CBL: variants seen among roughly 807,000 people sequenced by gnomAD.
CBL encodes Cbl proto-oncogene.
CBL carries 45 observed loss-of-function variants against 96.9 expected under a neutral mutation model. That is an observed-to-expected ratio of 0.46 (90% CI 0.37 to 0.60). The LOEUF (loss-of-function observed/expected upper bound fraction) is 0.60. Ranked by LOEUF, CBL falls within the 20% of genes least tolerant of loss-of-function variation. The probability of loss-of-function intolerance (pLI) is 0.00; values close to 1 mark genes in which losing one functional copy is unlikely to be tolerated. For synonymous variants in CBL, 420 were observed against 426.8 expected, an observed-to-expected ratio of 0.98 and a Z score of 0.20; for missense variants, 1,024 against 1,143.5, an observed-to-expected ratio of 0.90 and a Z score of 1.51.
chr11:119,223,416 T>C (rs1949427281), intron 1 of CBL, among the ~76,000 whole-genome samples: 1 of 150,610 alleles, frequency 6.6e-6, no homozygotes, highest in South Asian at 2.1e-4. Flanking sequence ...TGTTATGTTA[T>C]GTTATGTTAT....
At chr11:119,299,099 G>T (rs1950082435) in intron 15 of CBL, among the ~76,000 whole-genome samples, 1 of 152,202 alleles carries the variant, frequency 6.6e-6, no homozygotes, top group Non-Finnish European at 1.5e-5. Context: ...CCCCCACTCA[G>T]CCTTGGCTAA....
At chr11:119,247,766 C>T (rs1034734826) in intron 2 of CBL, among the ~76,000 whole-genome samples, 1 of 152,152 alleles carries the variant, frequency 6.6e-6, no homozygotes, top group Admixed American at 6.5e-5. Context: ...GAGTCGAGAT[C>T]ATGCCACTGC....
intron 1 of CBL, among the ~76,000 whole-genome samples, chr11:119,218,571 C>A (rs1419544672): frequency 6.6e-6 from 1 of 152,186 alleles, no homozygotes; most frequent in Non-Finnish European, 1.5e-5. Flanking sequence ...ATCTTGCAAT[C>A]TTACGCTGCT....
At chr11:119,248,320 A>G (rs1258789702) in intron 2 of CBL, among the ~76,000 whole-genome samples, 1 of 152,230 alleles carries the variant, frequency 6.6e-6, no homozygotes, top group African/African-American at 2.4e-5. Context: ...ATAAACCCTC[A>G]TACATATGGT....
At chr11:119,220,060 G>A (rs1949396126) in intron 1 of CBL, among the ~76,000 whole-genome samples, 1 of 152,126 alleles carries the variant, frequency 6.6e-6, no homozygotes, top group South Asian at 2.1e-4. Context: ...ATGTTGGCCA[G>A]GCTGGTCTCG....
intron 12 of CBL, among the ~76,000 whole-genome samples, chr11:119,292,721 A>G (rs1438499553): frequency 2.0e-5 from 3 of 151,792 alleles, no homozygotes; most frequent in Admixed American, 6.6e-5. Flanking sequence ...CGCCCGGCCT[A>G]TTTTCTTTGA....
chr11:119,281,828 C>T (rs1949936884), intron 9 of CBL, among the ~76,000 whole-genome samples: 1 of 152,062 alleles, frequency 6.6e-6, no homozygotes, highest in South Asian at 2.1e-4. Context: ...TTTCCTCATC[C>T]TTGATTTGAT....
rs749579743 is a variant in CBL, at chr11:119,278,314, C to T, written c.1227+17C>T. The T allele has an allele frequency of 1.5e-5, 24 of 1,613,496 alleles. No homozygotes were observed. Among genetic ancestry groups the T allele is most frequent in the Admixed American group, 3.3e-5 (2 of 59,974 alleles). On this transcript the variant is annotated intron_variant, in intron 8 of 15. Coordinates refer to ENST00000264033, the MANE Select transcript of CBL (RefSeq NM_005188.4). Reference sequence around the variant, plus strand: ...TCCTGGCAGGTACGGATCTAAACAGCGACTTTTTTCAGCTATGTAATAACC... The same window carrying T: ...TCCTGGCAGGTACGGATCTAAACAGTGACTTTTTTCAGCTATGTAATAACC...
chr11:119,237,699 T>G (rs1013969771), intron 2 of CBL, among the ~76,000 whole-genome samples: 1 of 152,188 alleles, frequency 6.6e-6, no homozygotes, highest in African/African-American at 2.4e-5. Context: ...ACCATAAGTG[T>G]AAGGGTTTAT....
At chr11:119,269,375 C>A (rs1322557264) in intron 2 of CBL, among the ~76,000 whole-genome samples, 2 of 151,784 alleles carry the variant, frequency 1.3e-5, no homozygotes, top group Non-Finnish European at 2.9e-5. Context: ...CATGTACCAC[C>A]ATGCCCGCCT....
Position 119,278,732 on chromosome 11 carries a change from A to T in CBL, c.1431+19A>T. On this transcript the variant is annotated intron_variant, in intron 9 of 15. Coordinates refer to ENST00000264033, the MANE Select transcript of CBL (RefSeq NM_005188.4). ...TGCCAAGGTAAGATGGCAGTTTAGG[A>T]GACTGGCAAAATCCATTGTGAGTTG... 1 of 1,600,684 alleles carries T rather than the reference A, an allele frequency of 6.2e-7. No homozygotes were observed. The highest frequency in any genetic ancestry group is 8.6e-7 in the Non-Finnish European group (1 of 1,168,136).
At chr11:119,238,500 G>A (rs993257590) in intron 2 of CBL, among the ~76,000 whole-genome samples, 2 of 152,020 alleles carry the variant, frequency 1.3e-5, no homozygotes, top group Non-Finnish European at 2.9e-5. Context: ...GTGAGCCACT[G>A]TGCCCGACCC....
At chr11:119,255,326 A>T (rs1031163655) in intron 2 of CBL, among the ~76,000 whole-genome samples, 6 of 152,124 alleles carry the variant, frequency 3.9e-5, no homozygotes, top group African/African-American at 1.4e-4. Context: ...AAGAACAAAA[A>T]GATCAGTTGG....
chr11:119,291,989 A>T (rs1282565750), intron 12 of CBL, among the ~76,000 whole-genome samples: 1 of 151,940 alleles, frequency 6.6e-6, no homozygotes, highest in Non-Finnish European at 1.5e-5. Context: ...AGTAGCTGGG[A>T]TTTTAGGCAT....
chr11:119,263,674 T>C (rs922369424), intron 2 of CBL, among the ~76,000 whole-genome samples: 2 of 152,326 alleles, frequency 1.3e-5, no homozygotes, highest in South Asian at 2.1e-4. Context: ...TTTGTTTTGT[T>C]TTTTAACAGC....
At chr11:119,292,766 A>T (rs904888210) in intron 12 of CBL, among the ~76,000 whole-genome samples, 10 of 152,114 alleles carry the variant, frequency 6.6e-5, no homozygotes, top group African/African-American at 2.4e-4. Flanking sequence ...AGTAACTGAG[A>T]CTATAGATGT....
chr11:119,285,053 C>G lies in CBL; in HGVS notation c.1516C>G (p.Arg506Gly), dbSNP rs886041500. ...VPPRLDLLPQRVCVPSSASAL... is the reference protein window; with the variant it reads ...VPPRLDLLPQGVCVPSSASAL... ...ACCACGACTTGACCTTCTGCCGCAGCGAGTATGTGTTCCCTCAAGTGCTTC... is the reference window on the plus strand; with the variant it reads ...ACCACGACTTGACCTTCTGCCGCAGGGAGTATGTGTTCCCTCAAGTGCTTC... Residue 506 changes from arginine to glycine, a missense_variant, in exon 10 of 16, where the codon CGA becomes GGA. Physicochemically the swap from Arg to Gly is moderately radical, Grantham distance 125 (BLOSUM62 -2). Coordinates refer to ENST00000264033, the MANE Select transcript of CBL (RefSeq NM_005188.4). The G allele has an allele frequency of 1.9e-6, 3 of 1,614,164 alleles. No homozygotes were observed. The highest frequency in any genetic ancestry group is 1.7e-6 in the Non-Finnish European group (2 of 1,180,030).
At chr11:119,234,494 A>T (rs1448780439) in intron 2 of CBL, among the ~76,000 whole-genome samples, 1 of 152,240 alleles carries the variant, frequency 6.6e-6, no homozygotes, top group Non-Finnish European at 1.5e-5. Context: ...TTTCTAAAAA[A>T]TAATTTTAAT....
chr11:119,238,275 C>T (rs963286828), intron 2 of CBL, among the ~76,000 whole-genome samples: 11 of 150,376 alleles, frequency 7.3e-5, no homozygotes, highest in Admixed American at 6.0e-4. Flanking sequence ...GGCTGGAGTA[C>T]AGTGGCATGA....
Sources: gnomAD v4.1 joint callset for allele counts (sites outside exome capture counted in the v4.1 genomes callset) on GRCh38, gnomAD v4.1.1 for gene constraint, MANE v1.5 for transcripts, NCBI Gene and HGNC (gene_info 2026-07-23, HGNC 2026-07-21) for gene names.